WBP1L: variants seen among roughly 807,000 people sequenced by gnomAD.
The protein encoded by WBP1L is WW domain binding protein 1-like.
In WBP1L, 17 loss-of-function variants were observed where a neutral mutation model predicts 33.7. That is an observed-to-expected ratio of 0.50 (90% CI 0.34 to 0.76). The LOEUF is 0.76. Ranked by LOEUF, WBP1L falls within the 30% of genes least tolerant of loss-of-function variation. The probability of loss-of-function intolerance (pLI) is 0.01; values close to 1 mark genes in which losing one functional copy is unlikely to be tolerated. For synonymous variants in WBP1L, 173 were observed against 190.8 expected (o/e 0.91, Z 0.77); for missense variants, 389 against 469.4 (o/e 0.83, Z 1.58).
chr10:102,782,164 G>T (rs990831570), intron 1 of WBP1L, among the ~76,000 whole-genome samples: 3 of 150,128 alleles, frequency 2.0e-5, no homozygotes, highest in Non-Finnish European at 4.4e-5. Context: ...AACTGTGCCT[G>T]GCCTCGGGTT....
Position 102,751,554 on chromosome 10 carries a change from C to T in WBP1L, c.90+7411C>T, listed in dbSNP as rs112064213. On this transcript the variant is annotated intron_variant, in intron 1 of 3. Transcript: ENST00000448841. ...AACTCCTGGGCACAAGCGATCTGCTCGCCTTGGCCTCTCAAAGTGTTGGGA... is the reference window on the plus strand; with the variant it reads ...AACTCCTGGGCACAAGCGATCTGCTTGCCTTGGCCTCTCAAAGTGTTGGGA... 2.7e-3 allele frequency among the ~76,000 whole-genome samples: 404 copies of T among 152,298 alleles called. 1 individual carries two copies. The highest frequency in any genetic ancestry group is 8.9e-3 in the African/African-American group (368 of 41,564).
intron 1 of WBP1L, among the ~76,000 whole-genome samples, chr10:102,780,238 C>T (rs1332201992): frequency 2.6e-5 from 4 of 152,096 alleles, no homozygotes; most frequent in Non-Finnish European, 4.4e-5. Context: ...GCTTTTTGTG[C>T]TTAGATGAGC....
intron 1 of WBP1L, among the ~76,000 whole-genome samples, chr10:102,753,936 C>T (rs1388547827): frequency 6.6e-6 from 1 of 152,144 alleles, no homozygotes; most frequent in Non-Finnish European, 1.5e-5. Context: ...CAGAGGCATG[C>T]ATTCATGGAG....
chr10:102,770,018 C>G (rs1350120560), intron 1 of WBP1L, among the ~76,000 whole-genome samples: 1 of 152,158 alleles, frequency 6.6e-6, no homozygotes, highest in African/African-American at 2.4e-5. Context: ...TTGTCCAGCC[C>G]CAGGACATAG....
At chr10:102,763,726 T>G (rs1843071951) in intron 1 of WBP1L, among the ~76,000 whole-genome samples, 1 of 152,220 alleles carries the variant, frequency 6.6e-6, no homozygotes, top group Non-Finnish European at 1.5e-5. Flanking sequence ...AGCAATATCC[T>G]GTTACCAGCT....
At chr10:102,756,922 C>A (rs1842984303) in intron 1 of WBP1L, among the ~76,000 whole-genome samples, 1 of 151,770 alleles carries the variant, frequency 6.6e-6, no homozygotes, top group African/African-American at 2.4e-5. Flanking sequence ...GAGTCTCGAT[C>A]TGTTGCCCAG....
At chr10:102,744,613 TA>T (rs1466039454) in intron 1 of WBP1L, among the ~76,000 whole-genome samples, 2 of 151,974 alleles carry the variant, frequency 1.3e-5, no homozygotes, top group African/African-American at 4.8e-5. Flanking sequence ...TTAGTACGTT[TA>T]AAAAAAATTA....
intron 1 of WBP1L, among the ~76,000 whole-genome samples, chr10:102,795,252 T>C (rs1049691396): frequency 3.3e-5 from 5 of 152,252 alleles, no homozygotes; most frequent in African/African-American, 4.8e-5. Flanking sequence ...TAAGGTAAGC[T>C]AGGCTAAGCT....
At chr10:102,799,690 C>T (rs989635936) in intron 2 of WBP1L, among the ~76,000 whole-genome samples, 3 of 152,318 alleles carry the variant, frequency 2.0e-5, no homozygotes, top group African/African-American at 7.2e-5. Flanking sequence ...TGGAAACAGA[C>T]TTCGGGTTTG....
At chr10:102,805,325 AATAG>A (rs1476266492) in intron 2 of WBP1L, among the ~76,000 whole-genome samples, 1 of 152,166 alleles carries the variant, frequency 6.6e-6, no homozygotes, top group Non-Finnish European at 1.5e-5. Flanking sequence ...AAAGCTGTGA[AATAG>A]ATCATATATA....
chr10:102,745,578 C>T (rs756238990), intron 1 of WBP1L, among the ~76,000 whole-genome samples: 92 of 152,290 alleles, frequency 6.0e-4, no homozygotes, highest in Middle Eastern at 3.4e-3. Context: ...GTGCCTGGCT[C>T]CTTTCACTTA....
intron 3 of WBP1L, among the ~76,000 whole-genome samples, chr10:102,810,569 T>TTTC (rs1554878054): frequency 1.5e-5 from 2 of 132,956 alleles, no homozygotes; most frequent in Non-Finnish European, 3.3e-5. Context: ...TATTTCTTTT[T>TTTC]TTTTTTTTTT....
At chr10:102,811,247 G>C (rs1464677557) in intron 3 of WBP1L, among the ~76,000 whole-genome samples, 1 of 152,006 alleles carries the variant, frequency 6.6e-6, no homozygotes, top group Non-Finnish European at 1.5e-5. Context: ...GGGTTCATTG[G>C]CCTGAATTCC....
In WBP1L at chr10:102,812,724, G is replaced by A. The variant is rs752445902; in HGVS notation, c.485G>A (p.Gly162Asp). The change falls in exon 4 of 4, where the codon GGT (glycine) becomes GAT (aspartate). Residue 162 changes from glycine to aspartate, a missense_variant. Coordinates refer to ENST00000448841, the MANE Select transcript of WBP1L (RefSeq NM_001083913.2). ...CTGCCTCCACAGTGTGGCCCTGCAG[G>A]TGGCAGTCCCCCGGGCATCGATCCC... is the stretch of plus-strand genomic sequence containing the variant. The part of the protein sequence containing the change: ...QLLPPQCGPA[G>D]GSPPGIDPTR... 1.9e-6 allele frequency: 3 copies of A among 1,613,980 alleles called. No individual in the cohort carries two copies. Among genetic ancestry groups the A allele is most frequent in the Middle Eastern group, 1.6e-4 (1 of 6,062 alleles).
At chr10:102,762,617 A>T (rs183537225) in intron 1 of WBP1L, among the ~76,000 whole-genome samples, 215 of 152,210 alleles carry the variant, frequency 1.4e-3, no homozygotes, top group Middle Eastern at 6.8e-3. Context: ...TCCATTTCCA[A>T]CCTTTGCTTA....
At chr10:102,767,507 A>G (rs1004111701) in intron 1 of WBP1L, among the ~76,000 whole-genome samples, 1 of 152,120 alleles carries the variant, frequency 6.6e-6, no homozygotes, top group Non-Finnish European at 1.5e-5. Context: ...CACCCCAGCC[A>G]GGGCAACATA....
chr10:102,758,994 G>A (rs551250058), intron 1 of WBP1L, among the ~76,000 whole-genome samples: 2 of 152,268 alleles, frequency 1.3e-5, no homozygotes, highest in South Asian at 2.1e-4. Context: ...CCAGGAGTAC[G>A]GGAGGAGCAT....
At chr10:102,769,617 G>A (rs558216307) in intron 1 of WBP1L, among the ~76,000 whole-genome samples, 2 of 152,114 alleles carry the variant, frequency 1.3e-5, no homozygotes, top group African/African-American at 2.4e-5. Context: ...GGGAAGTGAC[G>A]ATTAATATCA....
At chr10:102,747,834 G>A (rs1842882534) in intron 1 of WBP1L, among the ~76,000 whole-genome samples, 1 of 151,854 alleles carries the variant, frequency 6.6e-6, no homozygotes, top group Non-Finnish European at 1.5e-5. Flanking sequence ...AGCCTAAACA[G>A]AATATTTGAC....
Sources: gnomAD v4.1 joint callset for allele counts (sites outside exome capture counted in the v4.1 genomes callset) on GRCh38, gnomAD v4.1.1 for gene constraint, MANE v1.5 for transcripts, NCBI Gene and HGNC (gene_info 2026-07-23, HGNC 2026-07-21) for gene names.